Variants in SH2D3A observed in about 807,000 individuals in gnomAD.
SH2D3A encodes the protein SH2 domain-containing protein 3A.
SH2D3A carries 46 observed loss-of-function variants against 50.6 expected under a neutral mutation model. The observed-to-expected ratio is 0.91, with a 90% confidence interval of 0.72 to 1.16. The LOEUF (loss-of-function observed/expected upper bound fraction) is 1.16. Among genes scored for constraint, SH2D3A ranks in the 50% most tolerant of loss-of-function variants. SH2D3A has a pLI of 0.00. For missense variants in SH2D3A, 783 were observed against 786.2 expected (o/e 1.00, Z 0.05); for synonymous variants, 377 against 348.4 (o/e 1.08, Z -0.91).
chr19:6,754,082 G>A lies in SH2D3A; in HGVS notation c.1354C>T (p.Pro452Ser), dbSNP rs143503063. 2,084 of 1,611,318 alleles carry A rather than the reference G, an allele frequency of 1.3e-3. 7 individuals carry two copies. The highest frequency in any genetic ancestry group is 1.6e-3 in the Non-Finnish European group (1,921 of 1,178,440). The part of the protein sequence containing the change: ...AALAFEQELK[P>S]LMRALDEGAG... ...CCCTCATCCAGAGCCCGCATCAGCGGCTTCAGCTCCTGCTCAAAGGCCAGC... is the reference window on the plus strand; with the variant it reads ...CCCTCATCCAGAGCCCGCATCAGCGACTTCAGCTCCTGCTCAAAGGCCAGC... The change falls in exon 8 of 10, where the codon CCG becomes TCG. Residue 452 changes from proline to serine, a missense_variant. Pro to Ser is a moderately conservative substitution (Grantham distance 74). Coordinates refer to ENST00000245908, the MANE Select transcript of SH2D3A (RefSeq NM_005490.3).
intron 2 of SH2D3A, among the ~76,000 whole-genome samples, chr19:6,762,180 CTTTT>C (rs1970062134): frequency 6.6e-6 from 1 of 151,722 alleles, no homozygotes; most frequent in East Asian, 1.9e-4. Flanking sequence ...ATTATTATAC[CTTTT>C]TTTGTTGTTG....
At chr19:6,762,419 A>G (rs1970073198) in intron 2 of SH2D3A, among the ~76,000 whole-genome samples, 1 of 150,958 alleles carries the variant, frequency 6.6e-6, no homozygotes, top group African/African-American at 2.4e-5. Flanking sequence ...TCCTGACTTC[A>G]GGTGATCTAC....
intron 6 of SH2D3A, 26 bp downstream of exon 6, chr19:6,754,590 A>C: frequency 6.2e-7 from 1 of 1,613,732 alleles, no homozygotes; most frequent in Non-Finnish European, 8.5e-7. Context: ...GCCTCCCCCA[A>C]CCAAGATTAC....
chr19:6,765,834 G>A (rs1970276779), intron 1 of SH2D3A, among the ~76,000 whole-genome samples: 1 of 151,764 alleles, frequency 6.6e-6, no homozygotes, highest in African/African-American at 2.4e-5. Flanking sequence ...AAACAGCAAT[G>A]TTGCCTTTGC....
At chr19:6,754,479 G>C in intron 6 of SH2D3A, 54 bp from the exon 7 acceptor site, 1 of 1,536,126 alleles carries the variant, frequency 6.5e-7, no homozygotes. Context: ...TGTAATGCAG[G>C]GGTGAGGGGG....
At chr19:6,765,081 A>G (rs749040504) in intron 1 of SH2D3A, among the ~76,000 whole-genome samples, 26 of 151,650 alleles carry the variant, frequency 1.7e-4, no homozygotes, top group Non-Finnish European at 3.2e-4. Context: ...GGGTTTCTCC[A>G]TGTTGGCCAG....
intron 3 of SH2D3A, among the ~76,000 whole-genome samples, chr19:6,760,268 C>T (rs1306698748): frequency 6.6e-6 from 1 of 152,132 alleles, no homozygotes; most frequent in East Asian, 1.9e-4. Context: ...CCCAGCTACT[C>T]GGGAAGCTGA....
Position 6,752,311 on chromosome 19 carries a change from G to A in SH2D3A, c.*282C>T. 3.0e-6 allele frequency: 1 copy of A among 337,080 alleles called. No individual in the cohort carries two copies. Among genetic ancestry groups the A allele is most frequent in the African/African-American group, 2.1e-5 (1 of 47,430 alleles). The allele number at this position is 337,080 out of a possible 1,614,324, so 20.9% of individuals were successfully genotyped here. A position where few individuals can be genotyped will look rare whatever the true frequency, so the allele number is the denominator to read the frequency against. ...AGATTACAGGCCTGAGCTGCTGTAT[G>A]GCTATGATTTTGTTAAAGGCCGACA... On this transcript the variant is annotated 3_prime_UTR_variant, in exon 10 of 10. Transcript: ENST00000245908.
In SH2D3A at chr19:6,760,800, G is replaced by T. The variant is rs1442243363; in HGVS notation, c.257C>A (p.Pro86His). The T allele has an allele frequency of 6.2e-7, 1 of 1,614,242 alleles. No homozygotes were observed. Residue 86 changes from proline (P) to histidine (H), a missense_variant, in exon 3 of 10, where the codon CCC becomes CAC. Physicochemically the swap from Pro to His is moderately conservative, Grantham distance 77. Transcript: ENST00000245908. ...ACTGTGAACCAGAGCCGGTATGCTG[G>T]GGAATTGCTCATCCTCCAGTTGAAA... Reference protein sequence around the residue: ...ALFQLEDEQFPSIPALVHSYM... With the variant: ...ALFQLEDEQFHSIPALVHSYM...
chr19:6,762,680 G>A (rs1461287239), intron 2 of SH2D3A, among the ~76,000 whole-genome samples: 1 of 142,764 alleles, frequency 7.0e-6, no homozygotes, highest in East Asian at 2.0e-4. Flanking sequence ...GATAATTTTC[G>A]CTTTTTTTTT....
intron 9 of SH2D3A, chr19:6,753,199 GA>G: frequency 1.0e-6 from 1 of 985,300 alleles, no homozygotes; most frequent in Non-Finnish European, 1.2e-6. Context: ...TGGGAAGGGG[GA>G]GTGGGGACCC....
chr19:6,754,824 G>A lies in SH2D3A; in HGVS notation c.981+7C>T, dbSNP rs1331406580. The A allele has an allele frequency of 4.4e-6, 7 of 1,607,378 alleles. No homozygotes were observed. Among genetic ancestry groups the A allele is most frequent in the Non-Finnish European group, 6.0e-6 (7 of 1,175,628 alleles). On this transcript the variant is annotated splice_region_variant and intron_variant, in intron 5 of 9. Transcript: ENST00000245908. ...CCTGGGGAGGAGCATCCCAGGAGGTGACCCACCTGGCAGTCTACCAATAGC... is the reference window on the plus strand; with the variant it reads ...CCTGGGGAGGAGCATCCCAGGAGGTAACCCACCTGGCAGTCTACCAATAGC...
chr19:6,754,945 C>A lies in SH2D3A; in HGVS notation c.867G>T (p.Leu289=). 6.2e-7 allele frequency: 1 copy of A among 1,613,574 alleles called. No individual in the cohort carries two copies. The highest frequency in any genetic ancestry group is 8.5e-7 in the Non-Finnish European group (1 of 1,179,702). ...SFCPHDAPSC[L]LGPQNRPLEP... ...CCAGGGGCCGATTCTGGGGGCCCAG[C>A]AGGCAGGAGGGGGCATCATGGGGGC... Residue 289 remains leucine, a synonymous_variant, in exon 5 of 10, where the codon CTG becomes CTT. Coordinates refer to ENST00000245908, the MANE Select transcript of SH2D3A (RefSeq NM_005490.3).
At chr19:6,754,535 A>C in intron 6 of SH2D3A, 81 bp downstream of exon 6, 1 of 1,594,674 alleles carries the variant, frequency 6.3e-7, no homozygotes, top group Non-Finnish European at 8.6e-7. Context: ...CTGGGGAACC[A>C]TGAGTGGGGA....
In SH2D3A at chr19:6,752,669, GCTCCCGCGC is replaced by G; in HGVS notation, c.1646_1654del (p.Gly549_Gly551del). Reference sequence around the variant, plus strand: ...CTTCTCAAAGCGTTCAGCGCGCGGAGCTCCCGCGCCCCGGCTACCCCAGAGCAGCCTCCG... The same window carrying G: ...CTTCTCAAAGCGTTCAGCGCGCGGAGCCCGGCTACCCCAGAGCAGCCTCCG... On this transcript the variant is annotated inframe_deletion, in exon 10 of 10. Transcript: ENST00000245908. 1 of 1,554,118 alleles carries G rather than the reference GCTCCCGCGC, an allele frequency of 6.4e-7. No homozygotes were observed. Among genetic ancestry groups the G allele is most frequent in the Non-Finnish European group, 8.7e-7 (1 of 1,148,958 alleles).
At chr19:6,760,421 G>A (rs1300219700) in intron 3 of SH2D3A, among the ~76,000 whole-genome samples, 1 of 152,016 alleles carries the variant, frequency 6.6e-6, no homozygotes, top group East Asian at 1.9e-4. Flanking sequence ...AGCTGGGCGT[G>A]GTGGTGCACT....
intron 8 of SH2D3A, 121 bp downstream of exon 8, chr19:6,753,931 G>T: frequency 8.1e-7 from 1 of 1,230,382 alleles, no homozygotes. Flanking sequence ...GTGGAGGGCG[G>T]GGCCTATGGT....
intron 1 of SH2D3A, among the ~76,000 whole-genome samples, 157 bp downstream of exon 1, chr19:6,767,230 G>T (rs1388240442): frequency 2.6e-5 from 4 of 152,138 alleles, no homozygotes; most frequent in Non-Finnish European, 5.9e-5. Context: ...AGGTGAGCCC[G>T]AGCACACCGA....
At position 6,752,389 on chromosome 19, in the gene SH2D3A, T is replaced by G; in HGVS notation, c.*204A>C. ...ACGGCTTTTAAGAGGTGGAGTCACA[T>G]TTGAACTCTGGCCTCTGATGCCAGA... is the stretch of plus-strand genomic sequence containing the variant. On this transcript the variant is annotated 3_prime_UTR_variant, in exon 10 of 10. Coordinates refer to ENST00000245908, the MANE Select transcript of SH2D3A (RefSeq NM_005490.3). The G allele has an allele frequency of 2.4e-6, 1 of 424,504 alleles. No homozygotes were observed. The highest frequency in any genetic ancestry group is 4.1e-6 in the Non-Finnish European group (1 of 244,418). The allele number at this position is 424,504 out of a possible 1,614,324, so 26.3% of individuals were successfully genotyped here.
Sources: gnomAD v4.1 joint callset for allele counts (sites outside exome capture counted in the v4.1 genomes callset) on GRCh38, gnomAD v4.1.1 for gene constraint, MANE v1.5 for transcripts, NCBI Gene and HGNC (gene_info 2026-07-23, HGNC 2026-07-21) for gene names.